Variants in RANGAP1 observed in about 807,000 individuals in gnomAD.
The protein encoded by RANGAP1 is ran GTPase-activating protein 1.
RANGAP1 carries 38 observed loss-of-function variants against 63.5 expected under a neutral mutation model. The ratio of observed to expected loss-of-function variants is 0.60; its 90% confidence interval spans 0.46 to 0.78. The LOEUF is 0.78. Among genes scored for constraint, RANGAP1 ranks in the 30% least tolerant of loss-of-function variants. RANGAP1 has a pLI of 0.00. For synonymous variants in RANGAP1, 329 were observed against 310.5 expected (o/e 1.06, Z -0.63); for missense variants, 630 against 740.3 (o/e 0.85, Z 1.73).
chr22:41,268,465 G>T (rs899841929), intron 3 of RANGAP1, among the ~76,000 whole-genome samples: 2 of 152,034 alleles, frequency 1.3e-5, no homozygotes, highest in Non-Finnish European at 2.9e-5. Flanking sequence ...ATTTTGGTCA[G>T]GCTGGACTTG....
At chr22:41,254,645 T>G in intron 10 of RANGAP1, 151 bp from the exon 11 acceptor site, 1 of 1,479,148 alleles carries the variant, frequency 6.8e-7, no homozygotes, top group Non-Finnish European at 8.9e-7. Flanking sequence ...CAGGGGCAGG[T>G]GGATCACCAG....
intron 2 of RANGAP1, among the ~76,000 whole-genome samples, chr22:41,276,470 TCTAA>T (rs1173669940): frequency 4.0e-5 from 6 of 151,334 alleles, no homozygotes; most frequent in African/African-American, 1.5e-4. Context: ...AAACCCTGTC[TCTAA>T]CTAAAAATAC....
chr22:41,273,179 G>A (rs2034937318), intron 3 of RANGAP1, among the ~76,000 whole-genome samples: 1 of 152,088 alleles, frequency 6.6e-6, no homozygotes. Flanking sequence ...TTCCCTGGTT[G>A]CTGTGAGCAG....
chr22:41,283,442 G>A (rs2035599386), intron 1 of RANGAP1, among the ~76,000 whole-genome samples: 1 of 152,282 alleles, frequency 6.6e-6, no homozygotes, highest in South Asian at 2.1e-4. Context: ...CCGGGAGGCG[G>A]AGGTTGCAGT....
chr22:41,255,231 G>A (rs2033747535), intron 10 of RANGAP1, among the ~76,000 whole-genome samples: 1 of 152,134 alleles, frequency 6.6e-6, no homozygotes. Flanking sequence ...CATTTCCCAG[G>A]GACAGTGGGA....
chr22:41,262,412 C>T (rs2034223937), intron 5 of RANGAP1, among the ~76,000 whole-genome samples: 1 of 152,120 alleles, frequency 6.6e-6, no homozygotes, highest in Admixed American at 6.6e-5. Flanking sequence ...GCATCCTTGG[C>T]ATATTTTCTT....
intron 3 of RANGAP1, among the ~76,000 whole-genome samples, 161 bp from the exon 4 acceptor site, chr22:41,268,317 G>A (rs1244613793): frequency 6.6e-6 from 1 of 151,938 alleles, no homozygotes; most frequent in African/African-American, 2.4e-5. Flanking sequence ...GTGCAGTGGC[G>A]CGATCTCAGC....
intron 6 of RANGAP1, 123 bp from the exon 7 acceptor site, chr22:41,258,229 T>TG: frequency 8.8e-7 from 1 of 1,132,996 alleles, no homozygotes; most frequent in Non-Finnish European, 1.2e-6. Context: ...CAGGGGCCTG[T>TG]CTGTGGGATT....
Position 41,249,437 on chromosome 22 carries a change from G to A in RANGAP1, c.1587C>T (p.Val529=). ...HMGLLKSEDK[V]KAIANLYGPL... is the part of the protein sequence containing the mutation. ...GGCCGTACAGGTTGGCAATGGCCTT[G>A]ACCTTGTCTTCACTCTGAGAGGAAC... The change falls in exon 15 of 16, where the codon GTC becomes GTT. Residue 529 remains valine (V), a synonymous_variant. Transcript: ENST00000356244. 1 of 1,614,140 alleles carries A rather than the reference G, an allele frequency of 6.2e-7. No homozygotes were observed. Among genetic ancestry groups the A allele is most frequent in the Non-Finnish European group, 8.5e-7 (1 of 1,180,018 alleles).
intron 6 of RANGAP1, among the ~76,000 whole-genome samples, chr22:41,258,747 C>A (rs1167883437): frequency 6.6e-6 from 1 of 152,164 alleles, no homozygotes; most frequent in Non-Finnish European, 1.5e-5. Flanking sequence ...CTCTGCCTCC[C>A]AGGTTCAAGT....
the RANGAP1 span, among the ~76,000 whole-genome samples, chr22:41,292,156 A>AT: frequency 1.2e-4 from 17 of 143,856 alleles, no homozygotes; most frequent in African/African-American, 3.5e-4. Flanking sequence ...ATATTAAAAC[A>AT]TTTTTTTTGA....
chr22:41,272,760 C>T (rs986958903), intron 3 of RANGAP1, among the ~76,000 whole-genome samples: 9 of 152,000 alleles, frequency 5.9e-5, no homozygotes, highest in Non-Finnish European at 1.2e-4. Context: ...GTGATCTGCC[C>T]GCCTTGGCCT....
At chr22:41,296,662 AACAC>A in the RANGAP1 span, among the ~76,000 whole-genome samples, 444 of 152,032 alleles carry the variant, frequency 2.9e-3, no homozygotes, top group African/African-American at 0.01. Flanking sequence ...AAAAAAAAAA[AACAC>A]ACACACATAT....
chr22:41,262,335 C>T (rs2034218729), intron 5 of RANGAP1, among the ~76,000 whole-genome samples: 1 of 152,188 alleles, frequency 6.6e-6, no homozygotes, highest in African/African-American at 2.4e-5. Flanking sequence ...GAATCACGAG[C>T]GAGTGCACCG....
chr22:41,249,868 G>T (rs1489678787), intron 13 of RANGAP1, 51 bp from the exon 14 acceptor site: 15 of 1,535,936 alleles, frequency 9.8e-6, no homozygotes, highest in Admixed American at 1.7e-5. Flanking sequence ...CAGAGGGCTG[G>T]GCCAAGGCAC....
rs1463235646 is a variant in RANGAP1 at position 41,245,324 on chromosome 22, G to A, written c.*1279C>T. Among the ~76,000 whole-genome samples, 2 of 152,200 alleles carry A rather than the reference G, an allele frequency of 1.3e-5. No individual in the cohort carries two copies. Among genetic ancestry groups the A allele is most frequent in the Non-Finnish European group, 2.9e-5 (2 of 68,032 alleles). ...GGCTGTCCTCACATATGTGGCAGTG[G>A]AGCAAAGGATCCCAAGGGAGGTGGC... On this transcript the variant is annotated 3_prime_UTR_variant, in exon 16 of 16. Transcript: ENST00000356244.
chr22:41,258,117 G>A lies in RANGAP1; in HGVS notation c.616-11C>T. 1.9e-6 allele frequency: 3 copies of A among 1,587,734 alleles called. No homozygotes were observed. The highest frequency in any genetic ancestry group is 2.6e-6 in the Non-Finnish European group (3 of 1,162,982). On this transcript the variant is annotated splice_polypyrimidine_tract_variant and intron_variant, in intron 6 of 15. Transcript: ENST00000356244. Reference sequence around the variant, plus strand: ...CAGGGTCCCGATGACCTGTGAAGAGGAGGCAGAGAGTGGAGGGGGCCCCGA... The same window carrying A: ...CAGGGTCCCGATGACCTGTGAAGAGAAGGCAGAGAGTGGAGGGGGCCCCGA...
At chr22:41,264,541 C>A (rs1284859794) in intron 5 of RANGAP1, 123 bp downstream of exon 5, 2 of 1,249,640 alleles carry the variant, frequency 1.6e-6, no homozygotes, top group East Asian at 2.6e-5. Flanking sequence ...GCCTTTGAGG[C>A]CTTTCTCTTT....
At chr22:41,281,269 A>T in intron 1 of RANGAP1, 187 bp from the exon 2 acceptor site, 1 of 794,730 alleles carries the variant, frequency 1.3e-6, no homozygotes, top group Non-Finnish European at 1.8e-6. Context: ...TGCAGGAGGT[A>T]GTAAAAGAAC....
Sources: gnomAD v4.1 joint callset for allele counts (sites outside exome capture counted in the v4.1 genomes callset) on GRCh38, gnomAD v4.1.1 for gene constraint, MANE v1.5 for transcripts, NCBI Gene and HGNC (gene_info 2026-07-23, HGNC 2026-07-21) for gene names.